The following AEBP1 variants were observed in gnomAD, a reference collection of about 807,000 sequenced individuals.
AEBP1 encodes AE binding protein 1.
Under a neutral mutation model 116.5 loss-of-function variants are expected in AEBP1, and 69 were observed. That is an observed-to-expected ratio of 0.59 (90% CI 0.49 to 0.72). The LOEUF is 0.72. Among genes scored for constraint, AEBP1 ranks in the 30% least tolerant of loss-of-function variants. The pLI is 0.00. For missense variants in AEBP1, 1,444 were observed against 1,557.5 expected (o/e 0.93, Z 1.23); for synonymous variants, 627 against 627.3 (o/e 1.00, Z 0.01).
rs1306721597 is a variant in AEBP1 at position 44,111,943 on chromosome 7, C to T, written c.1930C>T (p.Arg644Ter). 1.2e-6 allele frequency: 2 copies of T among 1,613,832 alleles called. No homozygotes were observed. The highest frequency in any genetic ancestry group is 1.6e-4 in the Middle Eastern group (1 of 6,062). ...GCTGCTGCTCATGCAGTACCTGTGC[C>T]GAGAGTACCGCGATGGGAACCCACG... ...LLLLLMQYLC[R>*]EYRDGNPRVR... The change falls in exon 16 of 21, where the codon CGA (arginine) becomes TGA (stop). Residue 644 changes from arginine to a stop codon, truncating the protein, a stop_gained. Coordinates refer to ENST00000223357, the MANE Select transcript of AEBP1 (RefSeq NM_001129.5). LOFTEE classifies it high-confidence loss of function. This position sits in a 1 kb window ranked among gnomAD's most constrained non-coding sequence, Gnocchi z 4.7.
At position 44,106,482 on chromosome 7, in the gene AEBP1, G is replaced by A. The variant is rs1211013416; in HGVS notation, c.254-64G>A. 2.7e-6 allele frequency: 4 copies of A among 1,479,812 alleles called. No individual in the cohort carries two copies. The African/African-American group carries it at 4.2e-5, about 16-fold the overall frequency. 91.7% of individuals were successfully genotyped at this position (1,479,812 alleles called of 1,614,324 possible). ...TGTGCCCAGGTTCTGGGCATCTAGA[G>A]AGGGGCCTCATGGGGGCACAGAGCT... is the stretch of plus-strand genomic sequence containing the variant. On this transcript the variant is annotated intron_variant, in intron 1 of 20. Coordinates refer to ENST00000223357, the MANE Select transcript of AEBP1 (RefSeq NM_001129.5).
In AEBP1 at chr7:44,111,506, G is replaced by T; in HGVS notation, c.1717-1G>T. 6 of 1,582,856 alleles carry T rather than the reference G, an allele frequency of 3.8e-6. No individual in the cohort carries two copies. The highest frequency in any genetic ancestry group is 5.2e-6 in the Non-Finnish European group (6 of 1,164,840). ...TTCCACGTCCTCCCCCTCTGCCCCA[G>T]CTCATGAAGGTGGTGAACGAGGAGT... On this transcript the variant is annotated splice_acceptor_variant, in intron 14 of 20. Coordinates refer to ENST00000223357, the MANE Select transcript of AEBP1 (RefSeq NM_001129.5). LOFTEE classifies it high-confidence loss of function. This position sits in a 1 kb window ranked among gnomAD's most constrained non-coding sequence, Gnocchi z 4.7.
Position 44,108,928 on chromosome 7 carries a change from C to A in AEBP1, c.970C>A (p.Gln324Lys). The change falls in exon 7 of 21, where the codon CAG becomes AAG. Residue 324 changes from glutamine (Q) to lysine (K), a missense_variant. Coordinates refer to ENST00000223357, the MANE Select transcript of AEBP1 (RefSeq NM_001129.5). This position sits in a 1 kb window ranked among gnomAD's most constrained non-coding sequence, Gnocchi z 5.0. ...MDYYFGPPPP[Q>K]KPDAERQTDE... ...CTATTACTTTGGGCCTCCTCCGCCC[C>A]AGAAGCCCGATGCTGAGCGCCAGAC... 6.3e-7 allele frequency: 1 copy of A among 1,596,594 alleles called. No individual in the cohort carries two copies. The highest frequency in any genetic ancestry group is 8.5e-7 in the Non-Finnish European group (1 of 1,172,374).
chr7:44,106,346 C>T, intron 1 of AEBP1, 200 bp from the exon 2 acceptor site: 1 of 720,434 alleles, frequency 1.4e-6, no homozygotes, highest in Non-Finnish European at 2.5e-6. Flanking sequence ...TTGGTGGTCA[C>T]AGCCCCAGAC....
chr7:44,107,891 TGAG>T lies in AEBP1; in HGVS notation c.826_828del (p.Glu276del), dbSNP rs773178679. The T allele has an allele frequency of 2.0e-5, 32 of 1,599,366 alleles. No homozygotes were observed. The East Asian group carries it at 4.8e-4, about 24-fold the overall frequency. On this transcript the variant is annotated inframe_deletion, in exon 5 of 21. Transcript: ENST00000223357. This position sits in a 1 kb window ranked among gnomAD's most constrained non-coding sequence, Gnocchi z 4.3. ...CCGAGCGGGTCTGGCCAGAGCCCCC[TGAG>T]GAGAAGGCCCCGGCCCCAGCCCCGG...
rs1448104902 is a variant in AEBP1 at position 44,114,243 on chromosome 7, G to A, written c.3459G>A (p.Val1153=). Residue 1153 remains valine (V), a synonymous_variant, in exon 21 of 21, where the codon GTG becomes GTA. Transcript: ENST00000223357. The part of the protein sequence containing the change: ...FPFTTVETYT[V]NFGDF ...TCACAACAGTAGAGACCTACACAGTGAACTTTGGGGACTTCTGAGATCAGC... is the reference window on the plus strand; with the variant it reads ...TCACAACAGTAGAGACCTACACAGTAAACTTTGGGGACTTCTGAGATCAGC... 6.2e-7 allele frequency: 1 copy of A among 1,613,792 alleles called. No individual in the cohort carries two copies. The highest frequency in any genetic ancestry group is 1.1e-5 in the South Asian group (1 of 91,074).
chr7:44,114,173 A>G lies in AEBP1; in HGVS notation c.3389A>G (p.Glu1130Gly), dbSNP rs199622819. The change falls in exon 21 of 21, where the codon GAG becomes GGG. Residue 1130 changes from glutamate to glycine, a missense_variant. Transcript: ENST00000223357. ...QLEPEFEEEE[E>G]EEKEEEIATG... ...GAACCCGAGTTTGAGGAAGAGGAGG[A>G]GGAGGAGAAAGAGGAGGAGATAGCC... 63 of 1,613,414 alleles carry G rather than the reference A, an allele frequency of 3.9e-5. No individual in the cohort carries two copies. The highest frequency in any genetic ancestry group is 5.1e-5 in the Non-Finnish European group (60 of 1,179,682).
At position 44,111,592 on chromosome 7, in the gene AEBP1, C is replaced by T. The variant is rs754348994; in HGVS notation, c.1802C>T (p.Ala601Val). 16 of 1,613,124 alleles carry T rather than the reference C, an allele frequency of 9.9e-6. No homozygotes were observed. The South Asian group carries it at 1.5e-4, about 16-fold the overall frequency. Residue 601 changes from alanine (A) to valine (V), a missense_variant, in exon 15 of 21, where the codon GCC becomes GTC. Coordinates refer to ENST00000223357, the MANE Select transcript of AEBP1 (RefSeq NM_001129.5). This position sits in a 1 kb window ranked among gnomAD's most constrained non-coding sequence, Gnocchi z 4.7. ...GKSSRGLKIYAMEISDNPGEH... is the reference protein window; with the variant it reads ...GKSSRGLKIYVMEISDNPGEH... ...AGCTCACGAGGCCTCAAGATCTATGCCATGGAGATCTCAGACAACCCTGGG... is the reference window on the plus strand; with the variant it reads ...AGCTCACGAGGCCTCAAGATCTATGTCATGGAGATCTCAGACAACCCTGGG...
intron 8 of AEBP1, 45 bp from the exon 9 acceptor site, chr7:44,109,243 G>A: frequency 6.2e-7 from 1 of 1,611,832 alleles, no homozygotes; most frequent in Non-Finnish European, 8.5e-7. Flanking sequence ...ACTCCTGATT[G>A]CCTCCCGGGC....
At position 44,111,480 on chromosome 7, in the gene AEBP1, AT is replaced by A; in HGVS notation, c.1717-25del. The A allele has an allele frequency of 6.4e-7, 1 of 1,556,658 alleles. No individual in the cohort carries two copies. The highest frequency in any genetic ancestry group is 8.7e-7 in the Non-Finnish European group (1 of 1,151,302). ...CAGCGGGGGACGGATTGCATGATTG[AT>A]TCCACGTCCTCCCCCTCTGCCCCAG... On this transcript the variant is annotated intron_variant, in intron 14 of 20. Coordinates refer to ENST00000223357, the MANE Select transcript of AEBP1 (RefSeq NM_001129.5). The surrounding 1 kb of genome is among the most constrained non-coding windows in gnomAD (Gnocchi z 4.7).
chr7:44,107,708 G>A lies in AEBP1; in HGVS notation c.739+8G>A. 6.2e-7 allele frequency: 1 copy of A among 1,613,460 alleles called. No homozygotes were observed. The highest frequency in any genetic ancestry group is 8.5e-7 in the Non-Finnish European group (1 of 1,179,938). On this transcript the variant is annotated splice_region_variant and intron_variant, in intron 4 of 20. Coordinates refer to ENST00000223357, the MANE Select transcript of AEBP1 (RefSeq NM_001129.5). This position sits in a 1 kb window ranked among gnomAD's most constrained non-coding sequence, Gnocchi z 4.3. The stretch of plus-strand genomic sequence containing the variant: ...GGGAGGACTATGAGGACTGTGAGTA[G>A]GGTCCTGCCAGCCCCACCTGGGTCG...
In AEBP1 at chr7:44,112,658, A is replaced by G. The variant is rs1175319275; in HGVS notation, c.2318A>G (p.Tyr773Cys). 2 of 1,613,152 alleles carry G rather than the reference A, an allele frequency of 1.2e-6. No individual in the cohort carries two copies. The highest frequency in any genetic ancestry group is 4.5e-5 in the East Asian group (2 of 44,876). Residue 773 changes from tyrosine (Y) to cysteine (C), a missense_variant, in exon 18 of 21, where the codon TAC becomes TGC. Coordinates refer to ENST00000223357, the MANE Select transcript of AEBP1 (RefSeq NM_001129.5). This position sits in a 1 kb window ranked among gnomAD's most constrained non-coding sequence, Gnocchi z 6.6. ...GGCGAGCGGCTAGTATCCTACCCCT[A>G]CGATATGGCCCGCACGCCTACCCAG... Reference protein sequence around the residue: ...NGGERLVSYPYDMARTPTQEQ... With the variant: ...NGGERLVSYPCDMARTPTQEQ...
rs565116679 is a variant in AEBP1, at chr7:44,110,139, G to A, written c.1260+15G>A. 2.2e-5 allele frequency: 36 copies of A among 1,613,098 alleles called. No individual in the cohort carries two copies. In the Admixed American group the frequency reaches 5.7e-4, roughly 25 times the overall value. The stretch of plus-strand genomic sequence containing the variant: ...TCAACATGCAGGTGGGCATTGGGAT[G>A]GGCCCATCTCCCAACTGGGATAAGG... On this transcript the variant is annotated intron_variant, in intron 10 of 20. Coordinates refer to ENST00000223357, the MANE Select transcript of AEBP1 (RefSeq NM_001129.5).
chr7:44,105,718 C>T lies in AEBP1; in HGVS notation c.253+800C>T, dbSNP rs927660623. Among the ~76,000 whole-genome samples, 10 of 152,284 alleles carry T rather than the reference C, an allele frequency of 6.6e-5. No individual in the cohort carries two copies. The East Asian group carries it at 1.5e-3, about 23-fold the overall frequency. On this transcript the variant is annotated intron_variant, in intron 1 of 20. Transcript: ENST00000223357. Reference sequence around the variant, plus strand: ...GCTTGCTCTCCTGGCTCTGGGGCACCGCTCTAGCAGCCCTGCGTCCCCTGG... The same window carrying T: ...GCTTGCTCTCCTGGCTCTGGGGCACTGCTCTAGCAGCCCTGCGTCCCCTGG...
At position 44,108,108 on chromosome 7, in the gene AEBP1, C is replaced by T; in HGVS notation, c.940+24C>T. ...CAGTGAGTACCCAGCACCCCAGAGT[C>T]TGAGGGACATAGGCAGGTGGGGGTC... On this transcript the variant is annotated intron_variant, in intron 6 of 20. Transcript: ENST00000223357. This position sits in a 1 kb window ranked among gnomAD's most constrained non-coding sequence, Gnocchi z 5.0. 6.3e-7 allele frequency: 1 copy of T among 1,583,802 alleles called. No homozygotes were observed. The highest frequency in any genetic ancestry group is 8.6e-7 in the Non-Finnish European group (1 of 1,166,204).
chr7:44,106,181 A>G (rs568730327), intron 1 of AEBP1: 2 of 486,330 alleles, frequency 4.1e-6, no homozygotes, highest in East Asian at 1.2e-4. Context: ...CCAGGCCTGG[A>G]TGGCTCAGTC....
rs1449446645 is a variant in AEBP1 at position 44,111,450 on chromosome 7, A to G, written c.1717-57A>G. ...AGCAGGCCCTGGAAGTGGAAGGGGCATGGTCAGCGGGGGACGGATTGCATG... is the reference window on the plus strand; with the variant it reads ...AGCAGGCCCTGGAAGTGGAAGGGGCGTGGTCAGCGGGGGACGGATTGCATG... On this transcript the variant is annotated intron_variant, in intron 14 of 20. Coordinates refer to ENST00000223357, the MANE Select transcript of AEBP1 (RefSeq NM_001129.5). This position sits in a 1 kb window ranked among gnomAD's most constrained non-coding sequence, Gnocchi z 4.7. 52 of 1,526,058 alleles carry G rather than the reference A, an allele frequency of 3.4e-5. No homozygotes were observed. The highest frequency in any genetic ancestry group is 4.5e-5 in the Non-Finnish European group (51 of 1,136,258). 94.5% of individuals were successfully genotyped at this position (1,526,058 alleles called of 1,614,324 possible).
rs2096224203 is a variant in AEBP1 at position 44,107,542 on chromosome 7, C to T, written c.667+32C>T. ...GGCCGTCATCCGCCTGGCCTTGGGG[C>T]CAGCTGCCCTGGCTGGTTGGACTGA... On this transcript the variant is annotated intron_variant, in intron 3 of 20. Coordinates refer to ENST00000223357, the MANE Select transcript of AEBP1 (RefSeq NM_001129.5). The surrounding 1 kb of genome is among the most constrained non-coding windows in gnomAD (Gnocchi z 4.3). The T allele has an allele frequency of 6.2e-7, 1 of 1,613,254 alleles. No individual in the cohort carries two copies.
Position 44,107,679 on chromosome 7 carries a change from G to A in AEBP1, c.718G>A (p.Glu240Lys), listed in dbSNP as rs771478590. 29 of 1,613,564 alleles carry A rather than the reference G, an allele frequency of 1.8e-5. No individual in the cohort carries two copies. Among genetic ancestry groups the A allele is most frequent in the Middle Eastern group, 1.6e-4 (1 of 6,084 alleles). The change falls in exon 4 of 21, where the codon GAG (glutamate) becomes AAG (lysine). Residue 240 changes from glutamate to lysine, a missense_variant. By Grantham distance (56) the Glu-to-Lys change is moderately conservative (BLOSUM62 1). Coordinates refer to ENST00000223357, the MANE Select transcript of AEBP1 (RefSeq NM_001129.5). The surrounding 1 kb of genome is among the most constrained non-coding windows in gnomAD (Gnocchi z 4.3). ...CACACTGGACTACAATGACCAGATCGAGAGGGAGGACTATGAGGACTGTGA... is the reference window on the plus strand; with the variant it reads ...CACACTGGACTACAATGACCAGATCAAGAGGGAGGACTATGAGGACTGTGA... ...QPTLDYNDQI[E>K]REDYEDFEYI...
Sources: allele counts gnomAD v4.1 joint callset (sites outside exome capture counted in the v4.1 genomes callset), GRCh38; gene constraint gnomAD v4.1.1; non-coding constraint Gnocchi (gnomAD v3.1); transcripts MANE v1.5; gene names NCBI Gene and HGNC (gene_info 2026-07-23, HGNC 2026-07-21).